Variants in GNAQ observed in about 807,000 individuals in gnomAD.
The protein encoded by GNAQ is G protein subunit alpha q.
GNAQ carries 8 observed loss-of-function variants against 43.9 expected under a neutral mutation model. The ratio of observed to expected loss-of-function variants is 0.18; its 90% CI spans 0.11 to 0.33. The LOEUF is 0.33. Among genes scored for constraint, GNAQ ranks in the 10% least tolerant of loss-of-function variants. The pLI is 1.00. For synonymous variants in GNAQ, 155 were observed against 170.7 expected (o/e 0.91, Z 0.71); for missense variants, 158 against 450.8 (o/e 0.35, Z 5.88).
intron 2 of GNAQ, among the ~76,000 whole-genome samples, chr9:77,864,604 T>G (rs1827918816): frequency 6.6e-6 from 1 of 152,006 alleles, no homozygotes; most frequent in Non-Finnish European, 1.5e-5. Context: ...AAGGAATGCA[T>G]GTGGGACCAT....
At chr9:77,952,034 T>A (rs1345436769) in intron 1 of GNAQ, among the ~76,000 whole-genome samples, 1 of 152,228 alleles carries the variant, frequency 6.6e-6, no homozygotes, top group Non-Finnish European at 1.5e-5. Flanking sequence ...ACCAGCAGGA[T>A]AATCATGAGT....
intron 2 of GNAQ, among the ~76,000 whole-genome samples, chr9:77,816,574 C>CT (rs1827019719): frequency 6.6e-6 from 1 of 152,018 alleles, no homozygotes; most frequent in Admixed American, 6.6e-5. Context: ...CCAAATCAAA[C>CT]TAAGGTTTAT....
chr9:77,873,355 T>C (rs1587378723), intron 2 of GNAQ, among the ~76,000 whole-genome samples: 1 of 152,360 alleles, frequency 6.6e-6, no homozygotes, highest in East Asian at 1.9e-4. Flanking sequence ...AATAAATGCT[T>C]ATGTATTCTC....
At chr9:77,844,396 T>C (rs1013391388) in intron 2 of GNAQ, among the ~76,000 whole-genome samples, 1 of 152,166 alleles carries the variant, frequency 6.6e-6, no homozygotes, top group Admixed American at 6.6e-5. Context: ...ATCCATTATA[T>C]TGGCTTAAAG....
chr9:77,984,996 G>A (rs1024943322), intron 1 of GNAQ, among the ~76,000 whole-genome samples: 23 of 152,102 alleles, frequency 1.5e-4, no homozygotes, highest in African/African-American at 4.6e-4. Flanking sequence ...ACATACACTA[G>A]TTCCCCCTAC....
chr9:77,722,653 CTT>C (rs36194112), intron 6 of GNAQ, among the ~76,000 whole-genome samples: 18,963 of 115,742 alleles, frequency 0.16, 1,009 homozygotes, highest in East Asian at 0.25. Flanking sequence ...TATCTAAGGA[CTT>C]TTTTTTTTTT....
chr9:78,025,580 T>C (rs1260700411), intron 1 of GNAQ, among the ~76,000 whole-genome samples: 2 of 152,188 alleles, frequency 1.3e-5, no homozygotes, highest in Non-Finnish European at 2.9e-5. Flanking sequence ...CCAGGAAATT[T>C]GACTTTAAAA....
chr9:77,805,756 T>C lies in GNAQ; in HGVS notation c.477-8108A>G, dbSNP rs1365020215. ...CAGGTTCAAAACAAAGATCACTCGG[T>C]AGCAGGTGGGTTATAATCCTACCAT... On this transcript the variant is annotated intron_variant, in intron 3 of 6. Coordinates refer to ENST00000286548, the MANE Select transcript of GNAQ (RefSeq NM_002072.5). Among the ~76,000 whole-genome samples, 3 of 152,118 alleles carry C rather than the reference T, an allele frequency of 2.0e-5. No individual in the cohort carries two copies. The East Asian group carries it at 5.8e-4, about 29-fold the overall frequency.
intron 6 of GNAQ, 110 bp from the exon 7 acceptor site, chr9:77,721,623 C>G: frequency 2.9e-6 from 2 of 700,704 alleles, no homozygotes; most frequent in Non-Finnish European, 4.9e-6. Context: ...TACATCTGCA[C>G]TGCAGATTTG....
chr9:77,876,752 G>A (rs937787843), intron 2 of GNAQ, among the ~76,000 whole-genome samples: 2 of 152,124 alleles, frequency 1.3e-5, no homozygotes, highest in Admixed American at 1.3e-4. Flanking sequence ...AGAAGAAGGC[G>A]GGACTTGCCC....
intron 1 of GNAQ, chr9:78,030,466 C>T (rs564089756): frequency 2.6e-4 from 123 of 468,724 alleles, no homozygotes; most frequent in African/African-American, 2.2e-3. Flanking sequence ...CGCCTCGCCC[C>T]CAGTACACAG....
At position 78,003,739 on chromosome 9, in the gene GNAQ, C is replaced by T. The variant is rs59535116; in HGVS notation, c.136+27361G>A. 4.7e-3 allele frequency among the ~76,000 whole-genome samples: 708 copies of T among 150,798 alleles called. 5 individuals are homozygous for T. The highest frequency in any genetic ancestry group is 0.016 in the African/African-American group (653 of 41,016). ...GCTGAGGCACGAGAATCACTTGAAC[C>T]GGGGAGGCAGAGGTTGCAGTCAGCC... On this transcript the variant is annotated intron_variant, in intron 1 of 6. Transcript: ENST00000286548.
intron 2 of GNAQ, among the ~76,000 whole-genome samples, chr9:77,900,668 C>CA (rs1227158888): frequency 2.6e-5 from 4 of 152,182 alleles, no homozygotes; most frequent in Non-Finnish European, 2.9e-5. Context: ...ATTGGGATTA[C>CA]AGGTGTGTGC....
At chr9:77,884,890 T>C (rs1302990977) in intron 2 of GNAQ, among the ~76,000 whole-genome samples, 2 of 152,228 alleles carry the variant, frequency 1.3e-5, no homozygotes, top group East Asian at 1.9e-4. Context: ...GAGAGGGAGA[T>C]TTTGAAAAGA....
At chr9:78,025,336 T>C (rs747251370) in intron 1 of GNAQ, among the ~76,000 whole-genome samples, 25 of 152,192 alleles carry the variant, frequency 1.6e-4, no homozygotes, top group Non-Finnish European at 3.5e-4. Context: ...AAAATAGTGT[T>C]TGGGTCTGAG....
intron 2 of GNAQ, among the ~76,000 whole-genome samples, chr9:77,819,373 C>T (rs1008159671): frequency 6.6e-6 from 1 of 152,186 alleles, no homozygotes; most frequent in Admixed American, 6.5e-5. Context: ...GAAGGAGGAA[C>T]TGAGGTCCTA....
intron 2 of GNAQ, among the ~76,000 whole-genome samples, chr9:77,876,936 C>T (rs919156504): frequency 1.3e-5 from 2 of 152,160 alleles, no homozygotes; most frequent in African/African-American, 4.8e-5. Context: ...ATTCTCCACA[C>T]AGAGTAACTG....
At chr9:77,966,439 G>A (rs1435638803) in intron 1 of GNAQ, among the ~76,000 whole-genome samples, 2 of 152,036 alleles carry the variant, frequency 1.3e-5, no homozygotes, top group Non-Finnish European at 1.5e-5. Context: ...TGCTATGTAC[G>A]TTTTTCTTTA....
At chr9:77,797,027 C>T (rs1336679149) in intron 4 of GNAQ, among the ~76,000 whole-genome samples, 1 of 151,994 alleles carries the variant, frequency 6.6e-6, no homozygotes, top group African/African-American at 2.4e-5. Flanking sequence ...AGTACAAGTA[C>T]ATCTCTCTCT....
Sources: allele counts gnomAD v4.1 joint callset (sites outside exome capture counted in the v4.1 genomes callset), GRCh38; gene constraint gnomAD v4.1.1; transcripts MANE v1.5; gene names NCBI Gene and HGNC (gene_info 2026-07-23, HGNC 2026-07-21).